The following FOXO3 variants were observed in gnomAD, a reference collection of about 807,000 sequenced individuals.
The protein encoded by FOXO3 is forkhead box O3.
A neutral mutation model predicts 41.9 loss-of-function variants in FOXO3; 4 were observed. The ratio of observed to expected loss-of-function variants is 0.10; its 90% CI spans 0.05 to 0.22. FOXO3 has a LOEUF of 0.22. FOXO3 is among the 10% of genes least tolerant of loss of function. The probability of loss-of-function intolerance (pLI) is 1.00; values close to 1 mark genes in which losing one functional copy is unlikely to be tolerated. For missense variants in FOXO3, 534 were observed against 906.8 expected, an observed-to-expected ratio of 0.59 and a Z score of 5.28; for synonymous variants, 318 against 389.3, an observed-to-expected ratio of 0.82 and a Z score of 2.16.
intron 1 of FOXO3, among the ~76,000 whole-genome samples, chr6:108,613,435 G>T (rs373112109): frequency 1.3e-5 from 2 of 152,136 alleles, no homozygotes; most frequent in Non-Finnish European, 2.9e-5. Context: ...TGGCTTGTCT[G>T]TTTCTTCTTG....
At chr6:108,667,410 CT>C (rs1308975616) in intron 2 of FOXO3, among the ~76,000 whole-genome samples, 1 of 152,134 alleles carries the variant, frequency 6.6e-6, no homozygotes, top group Non-Finnish European at 1.5e-5. Flanking sequence ...TAAAAATAGG[CT>C]TTTAAAGACA....
At chr6:108,592,896 T>C (rs555721464) in intron 1 of FOXO3, among the ~76,000 whole-genome samples, 10 of 152,364 alleles carry the variant, frequency 6.6e-5, no homozygotes, top group African/African-American at 1.7e-4. Context: ...TGATTCTTAG[T>C]GCACTCATTG....
intron 1 of FOXO3, among the ~76,000 whole-genome samples, chr6:108,641,319 A>G (rs1453517973): frequency 6.6e-6 from 1 of 152,230 alleles, no homozygotes; most frequent in Non-Finnish European, 1.5e-5. Context: ...CATCATCAGT[A>G]CAGAACCCAA....
Position 108,681,672 on chromosome 6 carries a change from G to T in FOXO3, c.*1880G>T, listed in dbSNP as rs1480340190. On this transcript the variant is annotated 3_prime_UTR_variant, in exon 3 of 3. Coordinates refer to ENST00000406360, the MANE Select transcript of FOXO3 (RefSeq NM_001455.4). Reference sequence around the variant, plus strand: ...CCTTTTACTGAATCTGTAAATTGTTGTGCAATTGTGGTTATAGTAGACTGT... The same window carrying T: ...CCTTTTACTGAATCTGTAAATTGTTTTGCAATTGTGGTTATAGTAGACTGT... The T allele has an allele frequency of 6.6e-6, 1 of 151,692 alleles. No individual in the cohort carries two copies. The highest frequency in any genetic ancestry group is 2.4e-5 in the African/African-American group (1 of 41,188). The allele number at this position is 151,692 out of a possible 1,614,324, so 9.4% of individuals were successfully genotyped here.
At chr6:108,598,706 A>G (rs539313154) in intron 1 of FOXO3, among the ~76,000 whole-genome samples, 1 of 152,336 alleles carries the variant, frequency 6.6e-6, no homozygotes, top group South Asian at 2.1e-4. Flanking sequence ...ACAAAAATTT[A>G]GGGAAGAATT....
At chr6:108,632,074 G>A (rs1053089474) in intron 1 of FOXO3, among the ~76,000 whole-genome samples, 5 of 152,134 alleles carry the variant, frequency 3.3e-5, no homozygotes, top group South Asian at 2.1e-4. Flanking sequence ...ATTAAACTCA[G>A]GTTCAGCCTT....
At chr6:108,587,570 C>T (rs967427214) in intron 1 of FOXO3, among the ~76,000 whole-genome samples, 7 of 152,206 alleles carry the variant, frequency 4.6e-5, no homozygotes, top group African/African-American at 9.6e-5. Context: ...ACTTGTTCTA[C>T]GGCTTGCTTT....
At chr6:108,562,341 T>C (rs1416739312) in intron 1 of FOXO3, among the ~76,000 whole-genome samples, 2 of 152,140 alleles carry the variant, frequency 1.3e-5, no homozygotes, top group South Asian at 2.1e-4. Flanking sequence ...AAGTTTCAGC[T>C]TGTGGGTGTT....
chr6:108,562,709 A>G (rs1038092228), intron 1 of FOXO3, among the ~76,000 whole-genome samples: 1 of 152,176 alleles, frequency 6.6e-6, no homozygotes, highest in African/African-American at 2.4e-5. Context: ...ATGAACCCGA[A>G]GAGAGACTCT....
chr6:108,565,049 C>T (rs1263415792), intron 1 of FOXO3, among the ~76,000 whole-genome samples: 2 of 152,044 alleles, frequency 1.3e-5, no homozygotes, highest in Non-Finnish European at 2.9e-5. Context: ...ACATAAGTAG[C>T]GCTTGCTTTC....
chr6:108,609,017 A>C (rs1442320164), intron 1 of FOXO3, among the ~76,000 whole-genome samples: 1 of 152,068 alleles, frequency 6.6e-6, no homozygotes, highest in African/African-American at 2.4e-5. Context: ...TGTGAGCTGG[A>C]CCTCAAGCTA....
chr6:108,577,343 A>G (rs961220202), intron 1 of FOXO3, among the ~76,000 whole-genome samples: 3 of 152,142 alleles, frequency 2.0e-5, no homozygotes. Flanking sequence ...CATTGAGTTG[A>G]TCTCTAGATC....
At chr6:108,564,268 T>C (rs1754622881) in intron 1 of FOXO3, among the ~76,000 whole-genome samples, 1 of 152,262 alleles carries the variant, frequency 6.6e-6, no homozygotes, top group African/African-American at 2.4e-5. Flanking sequence ...TTTTATATTT[T>C]GATTATGACT....
intron 1 of FOXO3, among the ~76,000 whole-genome samples, chr6:108,593,712 C>CTTTTTTTTTT (rs34228633): frequency 2.2e-4 from 18 of 83,338 alleles, no homozygotes; most frequent in Non-Finnish European, 2.7e-4. Flanking sequence ...TTTTCTTCTT[C>CTTTTTTTTTT]TTTTTTTTTT....
intron 1 of FOXO3, among the ~76,000 whole-genome samples, chr6:108,660,917 G>A (rs1396967856): frequency 2.0e-5 from 3 of 152,122 alleles, no homozygotes; most frequent in African/African-American, 7.2e-5. Flanking sequence ...AAAATTAGCT[G>A]GGCATGGTGG....
rs557417780 is a variant in FOXO3 at position 108,673,986 on chromosome 6, G to A, written c.*35-5841G>A. The stretch of plus-strand genomic sequence containing the variant: ...GGGGGCTGGTGGTAAGGATATCTAT[G>A]GTGGGATGTACAGAAAGGATAGGAG... On this transcript the variant is annotated intron_variant, in intron 2 of 2. Transcript: ENST00000406360. 1.1e-4 allele frequency among the ~76,000 whole-genome samples: 16 copies of A among 152,266 alleles called. No individual in the cohort carries two copies. The South Asian group carries it at 2.5e-3, about 24-fold the overall frequency.
chr6:108,571,415 T>C (rs1776094578), intron 1 of FOXO3, among the ~76,000 whole-genome samples: 1 of 152,202 alleles, frequency 6.6e-6, no homozygotes, highest in African/African-American at 2.4e-5. Flanking sequence ...AAAATTCATG[T>C]CTTCCTGGAA....
At chr6:108,674,783 G>A (rs1047605291) in intron 2 of FOXO3, among the ~76,000 whole-genome samples, 2 of 152,144 alleles carry the variant, frequency 1.3e-5, no homozygotes, top group African/African-American at 2.4e-5. Flanking sequence ...GATCCCACAG[G>A]CCTTTACCAG....
intron 1 of FOXO3, among the ~76,000 whole-genome samples, chr6:108,585,392 T>C (rs1776555190): frequency 6.6e-6 from 1 of 152,222 alleles, no homozygotes; most frequent in South Asian, 2.1e-4. Flanking sequence ...ATCTTATTTA[T>C]TTTCCCAGCT....
Sources: allele counts gnomAD v4.1 joint callset (sites outside exome capture counted in the v4.1 genomes callset), GRCh38; gene constraint gnomAD v4.1.1; transcripts MANE v1.5; gene names NCBI Gene and HGNC (gene_info 2026-07-23, HGNC 2026-07-21).